Variants in CNTNAP2 observed in about 807,000 individuals in gnomAD.
CNTNAP2 encodes contactin-associated protein-like 2.
Under a neutral mutation model 155.2 loss-of-function variants are expected in CNTNAP2, and 98 were observed. The observed-to-expected ratio is 0.63, with a 90% confidence interval of 0.54 to 0.75. The LOEUF (loss-of-function observed/expected upper bound fraction) is 0.75, where lower values mean the gene tolerates loss of function less well. Among genes scored for constraint, CNTNAP2 ranks in the 30% least tolerant of loss-of-function variants. The pLI is 0.00. For synonymous variants in CNTNAP2, 651 were observed against 631.2 expected (o/e 1.03, Z -0.47); for missense variants, 1,727 against 1,688.1 (o/e 1.02, Z -0.40).
chr7:147,111,896 C>A (rs190822462), intron 5 of CNTNAP2, among the ~76,000 whole-genome samples: 274 of 152,058 alleles, frequency 1.8e-3, no homozygotes, highest in African/African-American at 4.7e-3. Context: ...TTTAAATTCT[C>A]TGAAGAATGG....
intron 2 of CNTNAP2, among the ~76,000 whole-genome samples, chr7:146,793,436 G>C (rs1802709185): frequency 6.6e-6 from 1 of 152,214 alleles, no homozygotes. Flanking sequence ...GGTGACCCTG[G>C]GGATGTGCAG....
chr7:147,336,010 G>A (rs1795658748), intron 9 of CNTNAP2, among the ~76,000 whole-genome samples: 1 of 152,158 alleles, frequency 6.6e-6, no homozygotes, highest in Non-Finnish European at 1.5e-5. Flanking sequence ...GTTGCAGAGA[G>A]AATCTGACTG....
intron 4 of CNTNAP2, 143 bp downstream of exon 4, chr7:147,044,197 GATAC>G (rs1052828842): frequency 4.0e-5 from 33 of 823,604 alleles, no homozygotes; most frequent in East Asian, 2.2e-4. Flanking sequence ...TCTATGCATA[GATAC>G]ATATATATAT....
intron 21 of CNTNAP2, among the ~76,000 whole-genome samples, chr7:148,363,886 T>C (rs1798675991): frequency 6.7e-6 from 1 of 149,676 alleles, no homozygotes; most frequent in South Asian, 2.1e-4. Context: ...GTGGGCTTGG[T>C]GGGCCCCACA....
intron 21 of CNTNAP2, among the ~76,000 whole-genome samples, chr7:148,294,630 T>C (rs1797248930): frequency 6.6e-6 from 1 of 152,228 alleles, no homozygotes; most frequent in African/African-American, 2.4e-5. Flanking sequence ...ATTTGTGTAT[T>C]GATCACTAAA....
At chr7:147,491,318 G>A (rs868242621) in intron 11 of CNTNAP2, among the ~76,000 whole-genome samples, 5 of 151,202 alleles carry the variant, frequency 3.3e-5, no homozygotes, top group Admixed American at 1.3e-4. Context: ...CCTATACCAC[G>A]ACCCCCCACC....
chr7:147,463,880 G>C (rs1307817194), intron 10 of CNTNAP2, among the ~76,000 whole-genome samples: 2 of 138,778 alleles, frequency 1.4e-5, no homozygotes, highest in East Asian at 4.3e-4. Context: ...AGTAATGTCA[G>C]AAACTTCATT....
intron 21 of CNTNAP2, among the ~76,000 whole-genome samples, chr7:148,319,152 G>A (rs950426768): frequency 6.6e-6 from 1 of 152,136 alleles, no homozygotes; most frequent in Non-Finnish European, 1.5e-5. Context: ...AAAGCATATC[G>A]ATTGAGTCAA....
chr7:146,291,989 G>A (rs1206108163), intron 1 of CNTNAP2, among the ~76,000 whole-genome samples: 4 of 152,028 alleles, frequency 2.6e-5, no homozygotes, highest in Non-Finnish European at 5.9e-5. Flanking sequence ...GTCTGATAAG[G>A]GGTTGATATC....
chr7:146,863,080 A>G (rs1434149742), intron 3 of CNTNAP2, among the ~76,000 whole-genome samples: 1 of 152,172 alleles, frequency 6.6e-6, no homozygotes, highest in Admixed American at 6.5e-5. Flanking sequence ...TTTGAAAAAT[A>G]ATGATTTGAT....
chr7:147,770,063 G>A (rs150651092), intron 13 of CNTNAP2, among the ~76,000 whole-genome samples: 111 of 152,184 alleles, frequency 7.3e-4, no homozygotes, highest in African/African-American at 2.5e-3. Flanking sequence ...TGAGAGACAC[G>A]ATATACACCT....
intron 13 of CNTNAP2, among the ~76,000 whole-genome samples, chr7:147,807,428 C>T (rs1798109554): frequency 6.6e-6 from 1 of 151,182 alleles, no homozygotes; most frequent in African/African-American, 2.4e-5. Context: ...TATCATTACA[C>T]CTTGCATGCT....
At chr7:148,059,389 C>G (rs1030035592) in intron 15 of CNTNAP2, among the ~76,000 whole-genome samples, 2 of 151,924 alleles carry the variant, frequency 1.3e-5, no homozygotes, top group African/African-American at 4.8e-5. Flanking sequence ...GTCAGGAGTT[C>G]GAGACCAGCC....
chr7:146,373,682 G>A (rs1382863478), intron 1 of CNTNAP2, among the ~76,000 whole-genome samples: 2 of 152,006 alleles, frequency 1.3e-5, no homozygotes, highest in African/African-American at 4.8e-5. Flanking sequence ...GTAAAAAATT[G>A]CCATAAATAT....
At chr7:148,105,205 T>G (rs1804181551) in intron 15 of CNTNAP2, among the ~76,000 whole-genome samples, 2 of 152,166 alleles carry the variant, frequency 1.3e-5, no homozygotes, top group African/African-American at 4.8e-5. Context: ...CGGGGATACG[T>G]CAGAAAGACT....
At chr7:147,831,421 AT>A (rs1798543081) in intron 13 of CNTNAP2, among the ~76,000 whole-genome samples, 1 of 152,200 alleles carries the variant, frequency 6.6e-6, no homozygotes, top group Non-Finnish European at 1.5e-5. Context: ...GATTTTTTTC[AT>A]TGTAATATTT....
chr7:146,337,833 G>T (rs1416342683), intron 1 of CNTNAP2, among the ~76,000 whole-genome samples: 1 of 152,076 alleles, frequency 6.6e-6, no homozygotes, highest in African/African-American at 2.4e-5. Context: ...TTTGTATCTT[G>T]CATGTGTGCA....
intron 21 of CNTNAP2, among the ~76,000 whole-genome samples, chr7:148,356,578 G>A (rs1157058269): frequency 2.6e-5 from 4 of 152,364 alleles, no homozygotes; most frequent in South Asian, 4.1e-4. Context: ...AAGCTCCAGA[G>A]TTTGTAGCCT....
chr7:148,236,929 C>T (rs939494215), intron 20 of CNTNAP2, among the ~76,000 whole-genome samples: 1 of 152,166 alleles, frequency 6.6e-6, no homozygotes, highest in Non-Finnish European at 1.5e-5. Flanking sequence ...GGTGCTAAAC[C>T]GTTCATAGAG....
Sources: allele counts gnomAD v4.1 joint callset (sites outside exome capture counted in the v4.1 genomes callset), GRCh38; gene constraint gnomAD v4.1.1; transcripts MANE v1.5; gene names NCBI Gene and HGNC (gene_info 2026-07-23, HGNC 2026-07-21).